Variants in SAMD12 observed in about 807,000 individuals in gnomAD.
The protein encoded by SAMD12 is sterile alpha motif domain containing 12.
In SAMD12, 9 loss-of-function variants were observed where a neutral mutation model predicts 15.0. The observed-to-expected ratio is 0.60, with a 90% confidence interval of 0.36 to 1.05. SAMD12 has a LOEUF of 1.05. SAMD12 is among the 50% of genes least tolerant of loss of function. The pLI, the probability that SAMD12 is intolerant of heterozygous loss-of-function variation, is 0.01. For missense variants in SAMD12, 230 were observed against 234.2 expected (o/e 0.98, Z 0.12); for synonymous variants, 86 against 90.1 (o/e 0.96, Z 0.25).
intron 2 of SAMD12, among the ~76,000 whole-genome samples, chr8:118,579,984 C>A (rs1201958635): frequency 8.5e-5 from 13 of 152,094 alleles, no homozygotes; most frequent in Non-Finnish European, 1.5e-5. Context: ...CCACAGAATC[C>A]AAGTTTCTGT....
intron 2 of SAMD12, among the ~76,000 whole-genome samples, chr8:118,514,958 G>C (rs1282563159): frequency 6.6e-6 from 1 of 152,100 alleles, no homozygotes; most frequent in Non-Finnish European, 1.5e-5. Flanking sequence ...CCCCTTTGCT[G>C]TTCTCCTGAT....
At chr8:118,400,527 C>T (rs539727150) in intron 3 of SAMD12, 1 of 152,316 alleles carries the variant, frequency 6.6e-6, no homozygotes, top group Admixed American at 6.5e-5. Context: ...AGTTTCCATA[C>T]ATCAGGAGAC....
At chr8:118,418,856 T>G (rs1159009814) in intron 3 of SAMD12, among the ~76,000 whole-genome samples, 9 of 152,182 alleles carry the variant, frequency 5.9e-5, no homozygotes, top group Non-Finnish European at 1.3e-4. Flanking sequence ...GTAAAACATA[T>G]GTTTTTCCAT....
intron 4 of SAMD12, among the ~76,000 whole-genome samples, chr8:118,329,288 C>T (rs1466722338): frequency 6.6e-6 from 1 of 152,064 alleles, no homozygotes; most frequent in Non-Finnish European, 1.5e-5. Flanking sequence ...AAATTTTTCT[C>T]TTACATGGTT....
At chr8:118,615,493 G>A (rs992319928) in intron 1 of SAMD12, among the ~76,000 whole-genome samples, 2 of 152,116 alleles carry the variant, frequency 1.3e-5, no homozygotes, top group Non-Finnish European at 2.9e-5. Flanking sequence ...TTGTACATGG[G>A]TGCTACTCTA....
intron 4 of SAMD12, among the ~76,000 whole-genome samples, chr8:118,217,354 A>T (rs1811988581): frequency 6.6e-6 from 1 of 152,188 alleles, no homozygotes; most frequent in Non-Finnish European, 1.5e-5. Flanking sequence ...CACTTTTACC[A>T]GATCAGTATC....
chr8:118,456,977 G>A (rs553833970), intron 2 of SAMD12, among the ~76,000 whole-genome samples: 28 of 152,214 alleles, frequency 1.8e-4, no homozygotes, highest in Admixed American at 1.8e-3. Context: ...CTCACAAGCA[G>A]GTAGCTTAAT....
At chr8:118,223,679 T>C (rs948233015) in intron 4 of SAMD12, among the ~76,000 whole-genome samples, 2 of 152,208 alleles carry the variant, frequency 1.3e-5, no homozygotes, top group African/African-American at 4.8e-5. Context: ...AATAGGGCTA[T>C]ATCTTTTGCC....
At chr8:118,306,926 T>G (rs994163996) in intron 4 of SAMD12, among the ~76,000 whole-genome samples, 3 of 152,206 alleles carry the variant, frequency 2.0e-5, no homozygotes, top group Admixed American at 6.5e-5. Flanking sequence ...CTTTATTCCT[T>G]TTAAGAGCTT....
intron 2 of SAMD12, among the ~76,000 whole-genome samples, chr8:118,523,787 C>T (rs1178917696): frequency 6.6e-6 from 1 of 152,110 alleles, no homozygotes; most frequent in African/African-American, 2.4e-5. Context: ...TACTCTCCAT[C>T]CTCACTGCTG....
intron 4 of SAMD12, among the ~76,000 whole-genome samples, chr8:118,243,977 T>C (rs1180629469): frequency 1.3e-5 from 2 of 152,122 alleles, no homozygotes; most frequent in Non-Finnish European, 1.5e-5. Context: ...CAAGGTTTAT[T>C]TCTGGAAATA....
chr8:118,190,815 G>A (rs755028093), exon 5 of SAMD12: 16 of 152,066 alleles, frequency 1.1e-4, no homozygotes, highest in African/African-American at 1.7e-4. Flanking sequence ...CAGAGAGACT[G>A]GGCTATTTCT....
At chr8:118,366,467 T>C (rs1818772851) in intron 4 of SAMD12, among the ~76,000 whole-genome samples, 1 of 152,208 alleles carries the variant, frequency 6.6e-6, no homozygotes, top group Non-Finnish European at 1.5e-5. Context: ...AGGTTCTCAA[T>C]GTTTTTTGAA....
chr8:118,500,639 C>T (rs1386946160), intron 2 of SAMD12, among the ~76,000 whole-genome samples: 1 of 151,920 alleles, frequency 6.6e-6, no homozygotes, highest in Non-Finnish European at 1.5e-5. Context: ...AACACCGTCT[C>T]TACTAAAAAT....
intron 4 of SAMD12, among the ~76,000 whole-genome samples, chr8:118,334,468 C>G (rs1257702903): frequency 6.6e-6 from 1 of 152,238 alleles, no homozygotes; most frequent in East Asian, 1.9e-4. Context: ...CTTCCCCTTC[C>G]CATTCCTTCC....
chr8:118,227,302 G>A (rs1812209014), intron 4 of SAMD12, among the ~76,000 whole-genome samples: 1 of 152,142 alleles, frequency 6.6e-6, no homozygotes, highest in Non-Finnish European at 1.5e-5. Context: ...ACTTATAAGT[G>A]TGAGCCAAAT....
intron 2 of SAMD12, 49 bp from the exon 3 acceptor site, chr8:118,440,010 A>G (rs1267670830): frequency 6.3e-7 from 1 of 1,595,502 alleles, no homozygotes. Flanking sequence ...ATGCCTAGGA[A>G]GACACTATAG....
intron 4 of SAMD12, among the ~76,000 whole-genome samples, chr8:118,221,988 C>T (rs553428553): frequency 2.6e-5 from 4 of 152,312 alleles, no homozygotes; most frequent in African/African-American, 9.6e-5. Context: ...AGTTAAACTA[C>T]TGAATATTCA....
chr8:118,309,688 T>C (rs1348175403), intron 4 of SAMD12, among the ~76,000 whole-genome samples: 3 of 152,186 alleles, frequency 2.0e-5, no homozygotes, highest in Non-Finnish European at 4.4e-5. Flanking sequence ...ATCCAACCTA[T>C]AGGCCTTTGC....
Sources: gnomAD v4.1 joint callset for allele counts (sites outside exome capture counted in the v4.1 genomes callset) on GRCh38, gnomAD v4.1.1 for gene constraint, MANE v1.5 for transcripts, NCBI Gene and HGNC (gene_info 2026-07-23, HGNC 2026-07-21) for gene names.